USP6NL: variants seen among roughly 807,000 people sequenced by gnomAD.
USP6NL encodes the protein USP6 N-terminal-like protein.
USP6NL carries 26 observed loss-of-function variants against 61.9 expected under a neutral mutation model. The ratio of observed to expected loss-of-function variants is 0.42; its 90% confidence interval spans 0.31 to 0.58. The LOEUF (loss-of-function observed/expected upper bound fraction) is 0.58. USP6NL is among the 20% of genes least tolerant of loss of function. The probability of loss-of-function intolerance (pLI) is 0.16; values close to 1 mark genes in which losing one functional copy is unlikely to be tolerated. For missense variants in USP6NL, 1,114 were observed against 1,034.3 expected (o/e 1.08, Z -1.06); for synonymous variants, 432 against 390.1 (o/e 1.11, Z -1.27).
In USP6NL at chr10:11,491,993, AT is replaced by A. The variant is rs1268964549; in HGVS notation, c.495-1114del. Among the ~76,000 whole-genome samples, 1 of 152,148 alleles carries A rather than the reference AT, an allele frequency of 6.6e-6. No homozygotes were observed. The highest frequency in any genetic ancestry group is 2.4e-5 in the African/African-American group (1 of 41,420). Reference sequence around the variant, plus strand: ...TGTGCTTGTATATATACCAACAAATATTTTCTTCTTCCCTCTCTTTTACCTT... The same window carrying A: ...TGTGCTTGTATATATACCAACAAATATTTCTTCTTCCCTCTCTTTTACCTT... On this transcript the variant is annotated intron_variant, in intron 8 of 14. Transcript: ENST00000609104. This position sits in a 1 kb window ranked among gnomAD's most constrained non-coding sequence, Gnocchi z 4.7.
chr10:11,584,992 A>T (rs1256282241), intron 2 of USP6NL, among the ~76,000 whole-genome samples: 3 of 151,980 alleles, frequency 2.0e-5, no homozygotes, highest in Non-Finnish European at 4.4e-5. Context: ...AAATATATAA[A>T]AGCTACACTG....
At chr10:11,554,966 ATTT>A (rs764342021) in intron 2 of USP6NL, among the ~76,000 whole-genome samples, 5 of 111,844 alleles carry the variant, frequency 4.5e-5, no homozygotes, top group East Asian at 3.6e-4. Flanking sequence ...TGCCCGGCTA[ATTT>A]TTTTTTTTTT....
chr10:11,462,972 G>A lies in USP6NL; in HGVS notation c.1956C>T (p.Ser652=), dbSNP rs2096222266. 1 of 1,613,936 alleles carries A rather than the reference G, an allele frequency of 6.2e-7. No homozygotes were observed. The change falls in exon 15 of 15, where the codon AGC becomes AGT. Residue 652 remains serine (S), a synonymous_variant. Transcript: ENST00000609104. ...CAGGGCTAAACTGTGGAGAAGCAAA[G>A]CTGCTGTTGGCAGTAGGGAAGTGTT... is the stretch of plus-strand genomic sequence containing the variant. ...SPKHFPTANS[S]FASPQFSPGT...
At chr10:11,467,694 C>T (rs1296463759) in intron 14 of USP6NL, among the ~76,000 whole-genome samples, 1 of 152,110 alleles carries the variant, frequency 6.6e-6, no homozygotes, top group Non-Finnish European at 1.5e-5. Context: ...CTATGAATGA[C>T]ATACAGGCAT....
intron 14 of USP6NL, among the ~76,000 whole-genome samples, chr10:11,464,511 A>G (rs560969445): frequency 4.6e-5 from 7 of 152,372 alleles, no homozygotes; most frequent in Admixed American, 4.6e-4. Flanking sequence ...CTAGCAAGTC[A>G]CAGGTCCAGA....
At chr10:11,492,447 C>T (rs1244533572) in intron 8 of USP6NL, among the ~76,000 whole-genome samples, 1 of 152,158 alleles carries the variant, frequency 6.6e-6, no homozygotes, top group Non-Finnish European at 1.5e-5. Context: ...TGTTGAAAGG[C>T]CTTAAGGGCA....
intron 14 of USP6NL, among the ~76,000 whole-genome samples, chr10:11,479,037 A>G (rs1358203974): frequency 1.3e-5 from 2 of 152,224 alleles, no homozygotes; most frequent in Non-Finnish European, 2.9e-5. Flanking sequence ...TTCTTATTCC[A>G]TAACAAAAAG....
intron 2 of USP6NL, among the ~76,000 whole-genome samples, chr10:11,580,035 T>C (rs1331076303): frequency 6.6e-6 from 1 of 150,536 alleles, no homozygotes; most frequent in Non-Finnish European, 1.5e-5. Flanking sequence ...TGGCATCTAG[T>C]GCATAGACCC....
Position 11,523,988 on chromosome 10 carries a change from T to C in USP6NL, c.155+1398A>G, listed in dbSNP as rs573926888. 3.3e-5 allele frequency among the ~76,000 whole-genome samples: 5 copies of C among 152,322 alleles called. No homozygotes were observed. In the South Asian group the frequency reaches 1.0e-3, roughly 32 times the overall value. On this transcript the variant is annotated intron_variant, in intron 4 of 14. Coordinates refer to ENST00000609104, the MANE Select transcript of USP6NL (RefSeq NM_014688.5). ...GTCTTAATGGTTAAATTGTCCTTCA[T>C]ACCCCAGATCTGCACACTAACCCAC... is the stretch of plus-strand genomic sequence containing the variant.
chr10:11,517,585 C>T (rs1461153938), intron 5 of USP6NL, among the ~76,000 whole-genome samples: 1 of 152,120 alleles, frequency 6.6e-6, no homozygotes, highest in Non-Finnish European at 1.5e-5. Flanking sequence ...TTTGCTGAAA[C>T]CTCTAGGTTA....
Position 11,540,199 on chromosome 10 carries a change from A to T in USP6NL, c.5-12632T>A, listed in dbSNP as rs1327836073. Among the ~76,000 whole-genome samples the T allele has an allele frequency of 2.0e-5, 3 of 152,168 alleles. No homozygotes were observed. Among genetic ancestry groups the T allele is most frequent in the African/African-American group, 7.2e-5 (3 of 41,446 alleles). ...ATCTCATTACATGAAATTGTCAATTATTTGTGCAAAATGGAGATGAATGGT... is the reference window on the plus strand; with the variant it reads ...ATCTCATTACATGAAATTGTCAATTTTTTGTGCAAAATGGAGATGAATGGT... On this transcript the variant is annotated intron_variant, in intron 2 of 14. Coordinates refer to ENST00000609104, the MANE Select transcript of USP6NL (RefSeq NM_014688.5). This position sits in a 1 kb window ranked among gnomAD's most constrained non-coding sequence, Gnocchi z 5.0.
At chr10:11,515,612 A>T (rs1048023693) in intron 5 of USP6NL, among the ~76,000 whole-genome samples, 19 of 152,196 alleles carry the variant, frequency 1.2e-4, no homozygotes, top group Admixed American at 9.8e-4. Context: ...TGTAGAGTTA[A>T]ATTTGGGGTC....
At chr10:11,473,177 T>C (rs954422613) in intron 14 of USP6NL, among the ~76,000 whole-genome samples, 2 of 152,226 alleles carry the variant, frequency 1.3e-5, no homozygotes, top group African/African-American at 4.8e-5. Context: ...TAACCTTTTA[T>C]AAACAGTAGT....
intron 1 of USP6NL, among the ~76,000 whole-genome samples, chr10:11,610,903 C>T (rs976886039): frequency 6.6e-6 from 1 of 152,094 alleles, no homozygotes; most frequent in South Asian, 2.1e-4. Flanking sequence ...AAATGCCGCA[C>T]CAGCCTAGGG....
In USP6NL at chr10:11,546,241, TGA is replaced by T. The variant is rs573215437; in HGVS notation, c.5-18676_5-18675del. ...GTTCACCACAGGACCATACCAGCAG[TGA>T]GAGAAAGGTAAACTATAAACTGTTT... On this transcript the variant is annotated intron_variant, in intron 2 of 14. Transcript: ENST00000609104. Among the ~76,000 whole-genome samples the T allele has an allele frequency of 9.9e-5, 15 of 152,210 alleles. No individual in the cohort carries two copies. The South Asian group carries it at 2.3e-3, about 23-fold the overall frequency.
At chr10:11,565,756 C>G (rs1837125145) in intron 2 of USP6NL, 2 of 152,122 alleles carry the variant, frequency 1.3e-5, no homozygotes, top group Admixed American at 1.3e-4. Context: ...AGCCGCTCAC[C>G]ATTGAAGCCA....
In USP6NL at chr10:11,495,741, C is replaced by A. The variant is rs1365387698; in HGVS notation, c.385-2513G>T. 6.6e-6 allele frequency among the ~76,000 whole-genome samples: 1 copy of A among 152,290 alleles called. No individual in the cohort carries two copies. Among genetic ancestry groups the A allele is most frequent in the East Asian group, 1.9e-4 (1 of 5,186 alleles). ...ATAGTTTTTTAGATTCTCTTCTTTA[C>A]ACTATAATCTGTTTCTTACAAGCTG... is the stretch of plus-strand genomic sequence containing the variant. On this transcript the variant is annotated intron_variant, in intron 7 of 14. Transcript: ENST00000609104. This position sits in a 1 kb window ranked among gnomAD's most constrained non-coding sequence, Gnocchi z 4.6.
chr10:11,544,935 T>C (rs888794701), intron 2 of USP6NL, among the ~76,000 whole-genome samples: 2 of 152,194 alleles, frequency 1.3e-5, no homozygotes, highest in Non-Finnish European at 2.9e-5. Flanking sequence ...GTCCCCAAGA[T>C]ATACTGTAAG....
Position 11,511,639 on chromosome 10 carries a change from T to C in USP6NL, c.196-1964A>G, listed in dbSNP as rs1200149755. ...ACCATGAATTATCAATGAATCACTTTAGGAAGCAGTCATTTTTTTAAAAGC... is the reference window on the plus strand; with the variant it reads ...ACCATGAATTATCAATGAATCACTTCAGGAAGCAGTCATTTTTTTAAAAGC... On this transcript the variant is annotated intron_variant, in intron 5 of 14. Coordinates refer to ENST00000609104, the MANE Select transcript of USP6NL (RefSeq NM_014688.5). The surrounding 1 kb of genome is among the most constrained non-coding windows in gnomAD (Gnocchi z 4.9). Among the ~76,000 whole-genome samples the C allele has an allele frequency of 6.6e-6, 1 of 152,158 alleles. No individual in the cohort carries two copies. Among genetic ancestry groups the C allele is most frequent in the Non-Finnish European group, 1.5e-5 (1 of 68,028 alleles).
Sources: gnomAD v4.1 joint callset for allele counts (sites outside exome capture counted in the v4.1 genomes callset) on GRCh38, gnomAD v4.1.1 for gene constraint, Gnocchi (gnomAD v3.1) non-coding constraint, MANE v1.5 for transcripts, NCBI Gene and HGNC (gene_info 2026-07-23, HGNC 2026-07-21) for gene names.